The following RBM19 variants were observed in gnomAD, a reference collection of about 807,000 sequenced individuals.
RBM19 encodes probable RNA-binding protein 19.
RBM19 carries 94 observed loss-of-function variants against 116.8 expected under a neutral mutation model. The ratio of observed to expected loss-of-function variants is 0.80; its 90% CI spans 0.68 to 0.95. The LOEUF (loss-of-function observed/expected upper bound fraction) is 0.95, where lower values mean the gene tolerates loss of function less well. RBM19 is among the 40% of genes least tolerant of loss of function. The pLI, the probability that RBM19 is intolerant of heterozygous loss-of-function variation, is 0.00. For missense variants in RBM19, 1,161 were observed against 1,220.7 expected (o/e 0.95, Z 0.73); for synonymous variants, 475 against 494.1 (o/e 0.96, Z 0.51).
intron 21 of RBM19, among the ~76,000 whole-genome samples, chr12:113,908,891 TG>T (rs1364328681): frequency 1.3e-5 from 2 of 152,234 alleles, no homozygotes; most frequent in African/African-American, 4.8e-5. Context: ...GCACCAGCTA[TG>T]TAGCAGGCAC....
chr12:113,845,373 G>A (rs974044951), intron 22 of RBM19, among the ~76,000 whole-genome samples: 4 of 152,024 alleles, frequency 2.6e-5, no homozygotes, highest in African/African-American at 9.7e-5. Context: ...CTGGGTCCTG[G>A]CACAGGCTGT....
At chr12:113,959,505 G>T in intron 4 of RBM19, 101 bp from the exon 5 acceptor site, 1 of 1,294,782 alleles carries the variant, frequency 7.7e-7, no homozygotes, top group Non-Finnish European at 1.1e-6. Flanking sequence ...TCTTAAGAGG[G>T]TGAGAAGATC....
intron 1 of RBM19, 106 bp downstream of exon 1, chr12:113,966,086 C>T: frequency 7.1e-7 from 1 of 1,412,692 alleles, no homozygotes; most frequent in Non-Finnish European, 1.0e-6. Flanking sequence ...GCCCGGAGTC[C>T]TGCCCCAGAG....
rs1872853427 is a variant in RBM19, at chr12:113,966,186, A to G, written c.36+6T>C. On this transcript the variant is annotated splice_donor_region_variant and intron_variant, in intron 1 of 23. Transcript: ENST00000261741. Reference sequence around the variant, plus strand: ...TCAGATTCCCAAGTCCTGCCTCTGCACTCACCCCATTCGGGAGATTCTTCA... The same window carrying G: ...TCAGATTCCCAAGTCCTGCCTCTGCGCTCACCCCATTCGGGAGATTCTTCA... 1 of 1,613,922 alleles carries G rather than the reference A, an allele frequency of 6.2e-7. No homozygotes were observed.
At chr12:113,832,195 CTTTTTT>C (rs11410268) in intron 23 of RBM19, among the ~76,000 whole-genome samples, 18 of 145,278 alleles carry the variant, frequency 1.2e-4, no homozygotes, top group African/African-American at 4.5e-4. Flanking sequence ...TTTCTTTTTT[CTTTTTT>C]TTTTTTTAGA....
intron 15 of RBM19, among the ~76,000 whole-genome samples, chr12:113,939,131 C>A (rs1282092418): frequency 1.3e-5 from 2 of 152,026 alleles, no homozygotes; most frequent in African/African-American, 4.8e-5. Flanking sequence ...ATAGGGAGAC[C>A]TTTGTCTCTA....
Position 113,945,817 on chromosome 12 carries a change from CCCT to C in RBM19, c.1626+8_1626+10del, listed in dbSNP as rs1030216484. The C allele has an allele frequency of 2.0e-6, 3 of 1,532,850 alleles. No homozygotes were observed. Among genetic ancestry groups the C allele is most frequent in the Non-Finnish European group, 2.7e-6 (3 of 1,106,882 alleles). 95.0% of individuals were successfully genotyped at this position (1,532,850 alleles called of 1,614,324 possible). A position where few individuals can be genotyped will look rare whatever the true frequency, so the allele number is the denominator to read the frequency against. On this transcript the variant is annotated splice_region_variant and intron_variant, in intron 13 of 23. Coordinates refer to ENST00000261741, the MANE Select transcript of RBM19 (RefSeq NM_016196.4). ...CCAGATCCCAGAGAGGACTGGTCGG[CCCT>C]TACTCACGTGGTCAAACACTTGACT...
rs373596141 is a variant in RBM19 at position 113,962,217 on chromosome 12, C to A, written c.219+15G>T. 1.2e-6 allele frequency: 2 copies of A among 1,613,656 alleles called. No individual in the cohort carries two copies. Among genetic ancestry groups the A allele is most frequent in the South Asian group, 1.1e-5 (1 of 91,076 alleles). ...ACTTGACAGGAAGGTAAGGGTGAGA[C>A]TCCTGCCCACTCACTGTGATCCGGG... On this transcript the variant is annotated intron_variant, in intron 2 of 23. Coordinates refer to ENST00000261741, the MANE Select transcript of RBM19 (RefSeq NM_016196.4).
intron 16 of RBM19, among the ~76,000 whole-genome samples, chr12:113,935,989 T>C (rs1231296232): frequency 6.6e-6 from 1 of 151,344 alleles, no homozygotes; most frequent in East Asian, 2.0e-4. Context: ...TGAGCCAAGA[T>C]CGCGCACTCC....
intron 21 of RBM19, among the ~76,000 whole-genome samples, chr12:113,875,465 C>G (rs1879604246): frequency 6.6e-6 from 1 of 152,128 alleles, no homozygotes; most frequent in African/African-American, 2.4e-5. Context: ...GCCTGGAGTC[C>G]AGGACCGAGA....
intron 22 of RBM19, among the ~76,000 whole-genome samples, chr12:113,855,585 G>A (rs1303055330): frequency 1.3e-5 from 2 of 152,280 alleles, no homozygotes; most frequent in East Asian, 1.9e-4. Context: ...GCCCTGGGAA[G>A]GGTTTTTGAA....
intron 23 of RBM19, among the ~76,000 whole-genome samples, chr12:113,836,789 T>C (rs1371813194): frequency 6.6e-6 from 1 of 151,642 alleles, no homozygotes; most frequent in Non-Finnish European, 1.5e-5. Flanking sequence ...AATGCTTATG[T>C]GTCAGGCATA....
intron 21 of RBM19, among the ~76,000 whole-genome samples, chr12:113,863,426 G>A (rs1878569105): frequency 6.6e-6 from 1 of 152,224 alleles, no homozygotes; most frequent in South Asian, 2.1e-4. Context: ...TGGAGCAGAG[G>A]AAGCGAGAAC....
In RBM19 at chr12:113,891,833, C is replaced by T. The variant is rs1241025816; in HGVS notation, c.2558+23136G>A. Among the ~76,000 whole-genome samples, 3 of 152,144 alleles carry T rather than the reference C, an allele frequency of 2.0e-5. 1 individual carries two copies. The highest frequency in any genetic ancestry group is 4.4e-5 in the Non-Finnish European group (3 of 68,024). ...TTTCAGGTAGGCAGAGTATAATTGCCCCACGAAGTGTAATCACACTGCCTG... is the reference window on the plus strand; with the variant it reads ...TTTCAGGTAGGCAGAGTATAATTGCTCCACGAAGTGTAATCACACTGCCTG... On this transcript the variant is annotated intron_variant, in intron 21 of 23. Coordinates refer to ENST00000261741, the MANE Select transcript of RBM19 (RefSeq NM_016196.4).
downstream of RBM19, among the ~76,000 whole-genome samples, chr12:113,821,191 A>G (rs1874392546): frequency 6.6e-6 from 1 of 152,060 alleles, no homozygotes; most frequent in Admixed American, 6.6e-5. Context: ...CTCACCCCGC[A>G]CCAAGCCCTG....
At chr12:113,879,020 C>T (rs981668280) in intron 21 of RBM19, among the ~76,000 whole-genome samples, 12 of 152,162 alleles carry the variant, frequency 7.9e-5, no homozygotes, top group Non-Finnish European at 1.6e-4. Context: ...GTCCCATCCC[C>T]GCCGTCTTGC....
intron 22 of RBM19, among the ~76,000 whole-genome samples, chr12:113,850,452 G>A (rs1345998967): frequency 3.3e-5 from 5 of 152,226 alleles, no homozygotes; most frequent in Non-Finnish European, 7.3e-5. Context: ...GCCTCCTGCC[G>A]CCTTTTCTGA....
rs576309453 is a variant in RBM19, at chr12:113,880,218, TA to T, written c.2559-21323del. On this transcript the variant is annotated intron_variant, in intron 21 of 23. Transcript: ENST00000261741. ...AACAAAACAAAACAAAAAAACCACTTAAAAAATTTTATCTAAAATTCAAATT... is the reference window on the plus strand; with the variant it reads ...AACAAAACAAAACAAAAAAACCACTTAAAAATTTTATCTAAAATTCAAATT... 2.6e-3 allele frequency among the ~76,000 whole-genome samples: 389 copies of T among 152,170 alleles called. 3 individuals carry two copies. The highest frequency in any genetic ancestry group is 0.01 in the Middle Eastern group (3 of 292).
chr12:113,850,298 G>A (rs1877352334), intron 22 of RBM19, among the ~76,000 whole-genome samples: 1 of 152,148 alleles, frequency 6.6e-6, no homozygotes, highest in African/African-American at 2.4e-5. Context: ...CAGAATTTGA[G>A]GCCTACCCAG....
Sources: allele counts gnomAD v4.1 joint callset (sites outside exome capture counted in the v4.1 genomes callset), GRCh38; gene constraint gnomAD v4.1.1; transcripts MANE v1.5; gene names NCBI Gene and HGNC (gene_info 2026-07-23, HGNC 2026-07-21).